SLC38A8: variants seen among roughly 807,000 people sequenced by gnomAD.
The protein encoded by SLC38A8 is amino acid transporter SLC38A8.
A neutral mutation model predicts 46.0 loss-of-function variants in SLC38A8; 65 were observed. That is an observed-to-expected ratio of 1.41 (90% CI 1.16 to 1.74). The LOEUF is 1.74. Ranked by LOEUF, SLC38A8 falls within the 40% of genes most tolerant of loss-of-function variation. The pLI is 0.00. For missense variants in SLC38A8, 998 were observed against 567.9 expected (o/e 1.76, Z -7.70); for synonymous variants, 447 against 243.7 (o/e 1.83, Z -7.77).
At chr16:84,029,368 C>G in intron 6 of SLC38A8, 126 bp downstream of exon 6, 1 of 922,398 alleles carries the variant, frequency 1.1e-6, no homozygotes, top group East Asian at 2.6e-5. Context: ...GGCACAGAGC[C>G]CACTGTATCC....
intron 9 of SLC38A8, 49 bp from the exon 10 acceptor site, chr16:84,013,101 G>C (rs752108516): frequency 5.1e-5 from 82 of 1,610,528 alleles, no homozygotes; most frequent in Non-Finnish European, 6.5e-5. Context: ...CAAACCCAAA[G>C]CAACAAAAAG....
rs1408170288 is a variant in SLC38A8, at chr16:84,036,775, C to T, written c.315G>A (p.Glu105=). ...TGAGCAGGTTGAGGAGGAAGCAGGC[C>T]TCACACAGCTTCCCAATGGCAGGGC... is the stretch of plus-strand genomic sequence containing the variant. ...LCGPAIGKLC[E]ACFLLNLLMI... The change falls in exon 3 of 11, where the codon GAG becomes GAA. Residue 105 remains glutamate (E), a synonymous_variant. Transcript: ENST00000299709. 2 of 1,614,238 alleles carry T rather than the reference C, an allele frequency of 1.2e-6. No individual in the cohort carries two copies. Among genetic ancestry groups the T allele is most frequent in the East Asian group, 4.5e-5 (2 of 44,882 alleles).
chr16:84,039,647 G>A (rs11860498), intron 2 of SLC38A8, among the ~76,000 whole-genome samples: 6,721 of 151,946 alleles, frequency 0.044, 280 homozygotes, highest in African/African-American at 0.11. Flanking sequence ...TTGGGAGGAG[G>A]CTGGGCAGGA....
At chr16:84,026,361 G>T (rs2085164569) in intron 6 of SLC38A8, among the ~76,000 whole-genome samples, 1 of 152,264 alleles carries the variant, frequency 6.6e-6, no homozygotes, top group African/African-American at 2.4e-5. Context: ...CAAGTAGCTG[G>T]GATTACAGGC....
At chr16:84,011,152 G>A (rs1445379022) in intron 10 of SLC38A8, among the ~76,000 whole-genome samples, 2 of 152,234 alleles carry the variant, frequency 1.3e-5, no homozygotes, top group Admixed American at 1.3e-4. Context: ...ATTCATCTGT[G>A]CGGGGACTGT....
chr16:84,023,002 G>C (rs2085113929), intron 6 of SLC38A8, 113 bp from the exon 7 acceptor site: 2 of 675,722 alleles, frequency 3.0e-6, no homozygotes, highest in South Asian at 2.0e-5. Flanking sequence ...GGTTTCTCTT[G>C]AAATAGCCTG....
intron 7 of SLC38A8, among the ~76,000 whole-genome samples, chr16:84,020,742 A>T (rs2085085817): frequency 6.6e-6 from 1 of 152,156 alleles, no homozygotes; most frequent in Non-Finnish European, 1.5e-5. Flanking sequence ...CTGTGATGGG[A>T]GGGGCAGCCT....
At chr16:84,013,801 A>G (rs2084988219) in intron 9 of SLC38A8, among the ~76,000 whole-genome samples, 1 of 150,596 alleles carries the variant, frequency 6.6e-6, no homozygotes, top group Admixed American at 6.6e-5. Flanking sequence ...CTCCCAAAGG[A>G]TCCTCTCTCA....
chr16:84,033,265 G>C, intron 4 of SLC38A8, 63 bp downstream of exon 4: 3 of 1,610,198 alleles, frequency 1.9e-6, no homozygotes, highest in Non-Finnish European at 2.5e-6. Flanking sequence ...CAGATGGACA[G>C]AAACCCTGAC....
chr16:84,011,023 CA>C (rs538590937), intron 10 of SLC38A8, among the ~76,000 whole-genome samples: 34 of 152,256 alleles, frequency 2.2e-4, no homozygotes, highest in African/African-American at 7.2e-4. Flanking sequence ...CACAAAATGG[CA>C]GGGCCACCAG....
At position 84,017,164 on chromosome 16, in the gene SLC38A8, T is replaced by G. The variant is rs185341230; in HGVS notation, c.929A>C (p.Tyr310Ser). The change falls in exon 8 of 11, where the codon TAC becomes TCC. Residue 310 changes from tyrosine (Y) to serine (S), a missense_variant. By Grantham distance (144) the Tyr-to-Ser change is moderately radical. Transcript: ENST00000299709. ...VLFAVSIVTV[Y>S]PIVLFLGRSV... ...CCTCCCCAGGAAGAGCACGATGGGGTAGACAGTTACGATGGAGACAGCAAA... is the reference window on the plus strand; with the variant it reads ...CCTCCCCAGGAAGAGCACGATGGGGGAGACAGTTACGATGGAGACAGCAAA... The G allele has an allele frequency of 5.0e-6, 8 of 1,613,704 alleles. No individual in the cohort carries two copies. The East Asian group carries it at 8.9e-5, about 18-fold the overall frequency.
intron 7 of SLC38A8, among the ~76,000 whole-genome samples, chr16:84,019,277 T>G (rs1032996388): frequency 6.6e-6 from 1 of 152,086 alleles, no homozygotes; most frequent in Non-Finnish European, 1.5e-5. Context: ...GGTTTCACTG[T>G]GTTAGCCAGG....
At chr16:84,024,009 G>C (rs12446026) in intron 6 of SLC38A8, among the ~76,000 whole-genome samples, 36,723 of 152,244 alleles carry the variant, frequency 0.24, 4,814 homozygotes, top group East Asian at 0.37. Context: ...TTGATGTCTG[G>C]TGTGGGTTAA....
intron 7 of SLC38A8, among the ~76,000 whole-genome samples, chr16:84,021,921 G>C (rs1311060400): frequency 3.3e-5 from 5 of 152,210 alleles, no homozygotes; most frequent in African/African-American, 1.2e-4. Flanking sequence ...AGGGGGCTGA[G>C]TGTGTGAGCC....
At chr16:84,032,096 T>A in intron 4 of SLC38A8, 128 bp from the exon 5 acceptor site, 1 of 767,906 alleles carries the variant, frequency 1.3e-6, no homozygotes, top group African/African-American at 1.7e-5. Flanking sequence ...TGTCCACCTC[T>A]GCCTCACCAT....
intron 3 of SLC38A8, among the ~76,000 whole-genome samples, chr16:84,033,857 C>T (rs758135241): frequency 1.4e-4 from 22 of 152,162 alleles, no homozygotes; most frequent in Non-Finnish European, 2.5e-4. Context: ...GCCACCGTGC[C>T]GTCAGCAACA....
intron 9 of SLC38A8, 54 bp downstream of exon 9, chr16:84,016,465 G>A (rs2151114029): frequency 6.3e-7 from 1 of 1,582,312 alleles, no homozygotes; most frequent in Non-Finnish European, 8.6e-7. Flanking sequence ...AGTCCCCACA[G>A]AGATGAGCAG....
intron 4 of SLC38A8, among the ~76,000 whole-genome samples, chr16:84,033,093 T>A (rs530590385): frequency 6.6e-6 from 1 of 152,136 alleles, no homozygotes; most frequent in African/African-American, 2.4e-5. Context: ...GTGCAAAAAA[T>A]CCAACAATGA....
chr16:84,023,171 A>G (rs886360304), intron 6 of SLC38A8, among the ~76,000 whole-genome samples: 4 of 152,030 alleles, frequency 2.6e-5, no homozygotes, highest in Non-Finnish European at 5.9e-5. Context: ...CTAGCTCTCT[A>G]GCTCATTACA....
Sources: allele counts gnomAD v4.1 joint callset (sites outside exome capture counted in the v4.1 genomes callset), GRCh38; gene constraint gnomAD v4.1.1; transcripts MANE v1.5; gene names NCBI Gene and HGNC (gene_info 2026-07-23, HGNC 2026-07-21).